LCORL: variants seen among roughly 807,000 people sequenced by gnomAD.
LCORL encodes the protein ligand-dependent nuclear receptor corepressor-like protein.
LCORL carries 41 observed loss-of-function variants against 141.8 expected under a neutral mutation model. That is an observed-to-expected ratio of 0.29 (90% CI 0.23 to 0.38). The LOEUF (loss-of-function observed/expected upper bound fraction) is 0.38, where lower values mean the gene tolerates loss of function less well. LCORL is among the 10% of genes least tolerant of loss of function. LCORL has a pLI of 1.00. For synonymous variants in LCORL, 618 were observed against 694.1 expected, an observed-to-expected ratio of 0.89 and a Z score of 1.72; for missense variants, 1,759 against 2,035.0, an observed-to-expected ratio of 0.86 and a Z score of 2.61.
intron 6 of LCORL, chr4:17,883,325 C>T: frequency 1.0e-6 from 1 of 997,406 alleles, no homozygotes; most frequent in Admixed American, 5.7e-5. Flanking sequence ...ATCATATTTC[C>T]ATTATAAGAT....
intron 5 of LCORL, among the ~76,000 whole-genome samples, chr4:17,888,799 A>G (rs1211913356): frequency 6.6e-6 from 1 of 152,114 alleles, no homozygotes; most frequent in East Asian, 1.9e-4. Flanking sequence ...TTTTTTGGCA[A>G]TTAAAATTTT....
At chr4:18,006,576 A>T (rs6842114) in intron 1 of LCORL, among the ~76,000 whole-genome samples, 1 of 152,066 alleles carries the variant, frequency 6.6e-6, no homozygotes, top group African/African-American at 2.4e-5. Flanking sequence ...TACAGTTTGA[A>T]GTGGCTGGGG....
intron 4 of LCORL, among the ~76,000 whole-genome samples, chr4:17,913,173 C>G (rs1013823589): frequency 3.9e-5 from 6 of 152,186 alleles, no homozygotes; most frequent in Non-Finnish European, 8.8e-5. Flanking sequence ...TGGTGATTAA[C>G]AACAGGAATG....
chr4:17,880,818 T>C (rs1727466953), intron 6 of LCORL: 1 of 882,622 alleles, frequency 1.1e-6, no homozygotes, highest in Non-Finnish European at 1.4e-6. Flanking sequence ...ACAAGACAGA[T>C]ACATGAATTC....
intron 7 of LCORL, among the ~76,000 whole-genome samples, chr4:17,850,131 C>T (rs1330417349): frequency 4.1e-5 from 6 of 146,180 alleles, no homozygotes; most frequent in Non-Finnish European, 7.5e-5. Flanking sequence ...AAAATCAATT[C>T]AAGATGGATT....
chr4:17,868,223 A>C (rs1040199375), intron 7 of LCORL, among the ~76,000 whole-genome samples: 2 of 152,220 alleles, frequency 1.3e-5, no homozygotes, highest in Non-Finnish European at 2.9e-5. Flanking sequence ...CATCAGTTAC[A>C]AACCTGTGTG....
exon 7 of LCORL, chr4:17,875,629 T>C (rs1726842171): frequency 8.1e-7 from 1 of 1,231,168 alleles, no homozygotes; most frequent in African/African-American, 1.6e-5. Flanking sequence ...GGGCTTTTCC[T>C]TCCAGCACTA....
intron 4 of LCORL, among the ~76,000 whole-genome samples, chr4:17,920,929 T>C (rs1029798928): frequency 9.2e-5 from 14 of 152,254 alleles, no homozygotes; most frequent in Non-Finnish European, 1.6e-4. Flanking sequence ...CTCAATGTTA[T>C]CTATGAGGGT....
intron 5 of LCORL, among the ~76,000 whole-genome samples, chr4:17,899,030 G>A (rs760419413): frequency 3.9e-5 from 6 of 152,156 alleles, no homozygotes; most frequent in Admixed American, 1.3e-4. Flanking sequence ...TGAATCACAT[G>A]AGTATGGTTT....
intron 1 of LCORL, among the ~76,000 whole-genome samples, chr4:17,982,891 CT>C (rs972434320): frequency 1.3e-5 from 2 of 151,964 alleles, no homozygotes; most frequent in East Asian, 3.9e-4. Flanking sequence ...GGTTTTTATA[CT>C]TTTGGGTTTT....
intron 7 of LCORL, among the ~76,000 whole-genome samples, chr4:17,852,292 TG>T (rs201162768): frequency 6.6e-6 from 1 of 152,020 alleles, no homozygotes; most frequent in Non-Finnish European, 1.5e-5. Context: ...AGAGTAGAGT[TG>T]GGGGGAAAAA....
chr4:17,898,673 A>ATTTTTTTTTTTTT (rs1730375718), intron 5 of LCORL, among the ~76,000 whole-genome samples: 1 of 57,008 alleles, frequency 1.8e-5, no homozygotes, highest in African/African-American at 7.3e-5. Flanking sequence ...TTTTTTTTTG[A>ATTTTTTTTTTTTT]TGTTTGCCTT....
exon 7 of LCORL, chr4:17,878,208 G>A (rs1168394027): frequency 1.6e-6 from 2 of 1,228,612 alleles, no homozygotes; most frequent in Admixed American, 4.2e-5. Context: ...TGCATCAACA[G>A]TTGAACTAAA....
At chr4:17,991,035 G>A (rs189737640) in intron 1 of LCORL, among the ~76,000 whole-genome samples, 4 of 152,096 alleles carry the variant, frequency 2.6e-5, no homozygotes, top group Non-Finnish European at 5.9e-5. Context: ...AGGATAATGA[G>A]GTATGGTCAC....
chr4:18,004,029 C>G (rs534070512), intron 1 of LCORL, among the ~76,000 whole-genome samples: 1 of 152,170 alleles, frequency 6.6e-6, no homozygotes, highest in African/African-American at 2.4e-5. Context: ...AGCAGAAACA[C>G]AAGAGCTTTT....
In LCORL at chr4:17,884,459, G is replaced by A; in HGVS notation, c.776+1609C>T. ...GAGTTTACTTTTTTCTGTGCGCTCT[G>A]CTTGAGCTCTTGCCCACAAGGCTAC... On this transcript the variant is annotated intron_variant, in intron 6 of 7. Transcript: ENST00000635767. This position sits in a 1 kb window ranked among gnomAD's most constrained non-coding sequence, Gnocchi z 4.4. 2 of 1,549,928 alleles carry A rather than the reference G, an allele frequency of 1.3e-6. No individual in the cohort carries two copies. Among genetic ancestry groups the A allele is most frequent in the Non-Finnish European group, 1.7e-6 (2 of 1,146,180 alleles).
In LCORL at chr4:17,961,101, A is replaced by G. The variant is rs145663293; in HGVS notation, c.430+802T>C. 7.2e-5 allele frequency among the ~76,000 whole-genome samples: 11 copies of G among 152,270 alleles called. No individual in the cohort carries two copies. In the East Asian group the frequency reaches 2.1e-3, roughly 29 times the overall value. ...TCCAAAGAGGAGTAAAATAGGGTCA[A>G]CAAGTAGATGATGACAATATGGTAA... On this transcript the variant is annotated intron_variant, in intron 4 of 7. Transcript: ENST00000635767.
intron 4 of LCORL, among the ~76,000 whole-genome samples, chr4:17,947,818 CTT>C (rs1403863726): frequency 3.3e-5 from 5 of 151,934 alleles, no homozygotes; most frequent in Non-Finnish European, 5.9e-5. Context: ...ATTATCCTCT[CTT>C]TTTGGCAAAG....
At chr4:17,974,486 T>C (rs1716561093) in intron 1 of LCORL, among the ~76,000 whole-genome samples, 1 of 152,156 alleles carries the variant, frequency 6.6e-6, no homozygotes, top group Non-Finnish European at 1.5e-5. Flanking sequence ...CATACTTTCA[T>C]TTTGCCAAGA....
Sources: allele counts gnomAD v4.1 joint callset (sites outside exome capture counted in the v4.1 genomes callset), GRCh38; gene constraint gnomAD v4.1.1; non-coding constraint Gnocchi (gnomAD v3.1); transcripts MANE v1.5; gene names NCBI Gene and HGNC (gene_info 2026-07-23, HGNC 2026-07-21).